PCDH11Y: variants seen among roughly 807,000 people sequenced by gnomAD.
PCDH11Y encodes protocadherin-11 Y-linked.
For synonymous variants in PCDH11Y, 9 were observed against 83.6 expected, an observed-to-expected ratio of 0.11 and a Z score of 4.87; for missense variants, 12 against 224.8, an observed-to-expected ratio of 0.05 and a Z score of 6.05.
intron 4 of PCDH11Y, among the ~76,000 whole-genome samples, chrY:5,692,787 A>C (rs1602960750): frequency 6.0e-5 from 2 of 33,292 alleles, no homozygotes; most frequent in East Asian, 1.6e-3. Context: ...TCTTTTAAAT[A>C]ATTTTAATTA....
At chrY:5,314,267 G>A in intron 2 of PCDH11Y, among the ~76,000 whole-genome samples, 1 of 28,801 alleles carries the variant, frequency 3.5e-5, no homozygotes, top group Non-Finnish European at 8.2e-5. Flanking sequence ...TCCTGTCTCA[G>A]CCTCCCAAGT....
At chrY:5,563,472 AT>A (rs2053431316) in intron 3 of PCDH11Y, among the ~76,000 whole-genome samples, 1 of 33,547 alleles carries the variant, frequency 3.0e-5, no homozygotes, top group South Asian at 6.5e-4. Flanking sequence ...TATTGCATAT[AT>A]TGAATAAATA....
At chrY:5,205,407 G>T (rs1432024167) in intron 2 of PCDH11Y, among the ~76,000 whole-genome samples, 295 of 27,945 alleles carry the variant, frequency 0.011, no homozygotes, top group Non-Finnish European at 0.023. Context: ...TAGTTAATTT[G>T]TCAATTCAGT....
At position 5,543,869 on chromosome Y, in the gene PCDH11Y, G is replaced by C. The variant is rs2124693316; in HGVS notation, c.3329-37906G>C. Among the ~76,000 whole-genome samples the C allele has an allele frequency of 2.1e-4, 7 of 33,714 alleles. No individual in the cohort carries two copies. The South Asian group carries it at 4.5e-3, about 22-fold the overall frequency. The allele number at this position is 33,714 out of a possible 37,273, so 90.5% of individuals were successfully genotyped here. ...TACAACTTACTGTAATCATACTGCA[G>C]TTTGTCATATGTGGTTCATTGTTAT... On this transcript the variant is annotated intron_variant, in intron 3 of 4. Coordinates refer to the PCDH11Y transcript ENST00000400457.
intron 3 of PCDH11Y, among the ~76,000 whole-genome samples, chrY:5,555,183 A>T: frequency 3.0e-5 from 1 of 32,863 alleles, no homozygotes; most frequent in Non-Finnish European, 7.5e-5. Flanking sequence ...GCCCTGCTGG[A>T]TTATGGACTT....
intron 2 of PCDH11Y, among the ~76,000 whole-genome samples, chrY:5,432,970 C>G (rs1602924613): frequency 3.0e-5 from 1 of 33,187 alleles, no homozygotes; most frequent in African/African-American, 1.2e-4. Flanking sequence ...AGTTAGAGGA[C>G]TGGGAAGCTG....
At chrY:5,671,780 T>G in intron 4 of PCDH11Y, among the ~76,000 whole-genome samples, 1 of 31,946 alleles carries the variant, frequency 3.1e-5, no homozygotes, top group Non-Finnish European at 7.7e-5. Flanking sequence ...TAGCTAGTTC[T>G]TGCTACTATG....
intron 3 of PCDH11Y, among the ~76,000 whole-genome samples, chrY:5,567,243 A>T (rs1231691125): frequency 6.2e-5 from 2 of 32,431 alleles, no homozygotes; most frequent in Non-Finnish European, 1.5e-4. Context: ...CATTCTTAAA[A>T]GTCAGAGCTT....
chrY:5,261,728 G>T, intron 2 of PCDH11Y, among the ~76,000 whole-genome samples: 5 of 32,350 alleles, frequency 1.5e-4, no homozygotes, highest in Admixed American at 1.4e-3. Context: ...AGCCTCGCAT[G>T]CATTAGCTAT....
At chrY:5,523,923 T>C in intron 3 of PCDH11Y, among the ~76,000 whole-genome samples, 1 of 29,997 alleles carries the variant, frequency 3.3e-5, no homozygotes, top group Non-Finnish European at 8.0e-5. Flanking sequence ...TGATTATCAT[T>C]AGTTTTTGCT....
At chrY:5,251,615 A>G in intron 2 of PCDH11Y, among the ~76,000 whole-genome samples, 1 of 29,870 alleles carries the variant, frequency 3.3e-5, no homozygotes, top group Non-Finnish European at 8.0e-5. Context: ...GCATTTTGTT[A>G]AGGTACACGT....
chrY:5,013,355 T>C, intron 1 of PCDH11Y, among the ~76,000 whole-genome samples: 1 of 32,961 alleles, frequency 3.0e-5, no homozygotes. Context: ...GTTTCATAAC[T>C]TTAAGTCATT....
intron 2 of PCDH11Y, among the ~76,000 whole-genome samples, chrY:5,412,070 A>G: frequency 1.3e-4 from 4 of 31,598 alleles, no homozygotes. Flanking sequence ...ATTAGCATGG[A>G]ATGCTTTTCC....
At chrY:5,718,987 C>A in intron 4 of PCDH11Y, among the ~76,000 whole-genome samples, 3 of 33,256 alleles carry the variant, frequency 9.0e-5, no homozygotes, top group Admixed American at 5.5e-4. Flanking sequence ...TAGCGTTTTT[C>A]CCCTGCCCTA....
intron 3 of PCDH11Y, among the ~76,000 whole-genome samples, chrY:5,508,669 G>A (rs1602935757): frequency 9.2e-5 from 3 of 32,774 alleles, no homozygotes; most frequent in Admixed American, 2.8e-4. Flanking sequence ...TTTTTATTGC[G>A]GTAATTCTTT....
intron 2 of PCDH11Y, among the ~76,000 whole-genome samples, chrY:5,146,169 G>A (rs2124642994): frequency 3.0e-5 from 1 of 33,804 alleles, no homozygotes; most frequent in African/African-American, 1.1e-4. Flanking sequence ...TAGGTTGTGC[G>A]TTCCTTGTAA....
At chrY:5,205,754 A>G (rs1284375794) in intron 2 of PCDH11Y, among the ~76,000 whole-genome samples, 1 of 28,317 alleles carries the variant, frequency 3.5e-5, no homozygotes, top group Non-Finnish European at 8.1e-5. Context: ...GTAAATATTT[A>G]ATAGCTAACT....
At chrY:5,194,278 A>G (rs2052916105) in intron 2 of PCDH11Y, among the ~76,000 whole-genome samples, 1 of 29,367 alleles carries the variant, frequency 3.4e-5, no homozygotes, top group South Asian at 8.3e-4. Flanking sequence ...TCTACAAAAA[A>G]TAAAAAATTA....
chrY:5,167,041 G>GTCCT (rs2052879814), intron 2 of PCDH11Y, among the ~76,000 whole-genome samples: 1 of 30,104 alleles, frequency 3.3e-5, no homozygotes, highest in Non-Finnish European at 8.0e-5. Context: ...TTATCATCCG[G>GTCCT]TCCTTATAAA....
Sources: allele counts gnomAD v4.1 joint callset (sites outside exome capture counted in the v4.1 genomes callset), GRCh38; gene constraint gnomAD v4.1.1; transcripts MANE v1.5; gene names NCBI Gene and HGNC (gene_info 2026-07-23, HGNC 2026-07-21).